The following STX18 variants were observed in gnomAD, a reference collection of about 807,000 sequenced individuals.
The protein encoded by STX18 is syntaxin 18, also known as syntaxin-18.
A neutral mutation model predicts 50.1 loss-of-function variants in STX18; 40 were observed. The observed-to-expected ratio is 0.80, with a 90% CI of 0.62 to 1.04. The LOEUF (loss-of-function observed/expected upper bound fraction) is 1.04. Among genes scored for constraint, STX18 ranks in the 50% least tolerant of loss-of-function variants. The probability of loss-of-function intolerance (pLI) is 0.00; values close to 1 mark genes in which losing one functional copy is unlikely to be tolerated. For synonymous variants in STX18, 158 were observed against 151.8 expected (o/e 1.04, Z -0.30); for missense variants, 410 against 415.8 (o/e 0.99, Z 0.12).
chr4:4,487,427 T>C (rs570040831), intron 1 of STX18, among the ~76,000 whole-genome samples: 1 of 152,360 alleles, frequency 6.6e-6, no homozygotes, highest in Non-Finnish European at 1.5e-5. Flanking sequence ...ACCCATTGTA[T>C]AGACTATCTC....
chr4:4,504,687 C>G (rs1037293964), intron 1 of STX18, among the ~76,000 whole-genome samples: 1 of 152,032 alleles, frequency 6.6e-6, no homozygotes, highest in Non-Finnish European at 1.5e-5. Flanking sequence ...CTAAAGAAGG[C>G]AAGGGGGGCA....
intron 7 of STX18, 36 bp downstream of exon 7, chr4:4,434,730 ACCAG>A: frequency 6.5e-7 from 1 of 1,542,228 alleles, no homozygotes; most frequent in South Asian, 1.2e-5. Context: ...TCTTATGAAA[ACCAG>A]TTAAAAATAA....
rs144305456 is a variant in STX18, at chr4:4,454,104, A to C, written c.497+3087T>G. 9.2e-3 allele frequency among the ~76,000 whole-genome samples: 1,400 copies of C among 152,378 alleles called. 12 individuals carry two copies. The highest frequency in any genetic ancestry group is 0.017 in the Middle Eastern group (5 of 294). On this transcript the variant is annotated intron_variant, in intron 5 of 10. Transcript: ENST00000306200. Reference sequence around the variant, plus strand: ...TGGTGAGTTACTGTGGCTGTTGTCCAGGCACATGCCATGCTGTCTAGCCTT... The same window carrying C: ...TGGTGAGTTACTGTGGCTGTTGTCCCGGCACATGCCATGCTGTCTAGCCTT...
At chr4:4,495,265 G>A (rs1175605749) in intron 1 of STX18, among the ~76,000 whole-genome samples, 1 of 152,126 alleles carries the variant, frequency 6.6e-6, no homozygotes, top group Admixed American at 6.5e-5. Flanking sequence ...GGCTAATATT[G>A]GAAGACCTCA....
At chr4:4,461,164 A>G (rs1727356500) in intron 2 of STX18, among the ~76,000 whole-genome samples, 1 of 152,248 alleles carries the variant, frequency 6.6e-6, no homozygotes, top group Admixed American at 6.5e-5. Context: ...TAATTTGATA[A>G]AACTGATTAT....
chr4:4,465,120 G>GT (rs1727559854), intron 2 of STX18, among the ~76,000 whole-genome samples: 1 of 152,014 alleles, frequency 6.6e-6, no homozygotes, highest in South Asian at 2.1e-4. Context: ...AGAGATTCTG[G>GT]TAAGTTTTAT....
chr4:4,427,081 G>A (rs773889955), intron 7 of STX18, among the ~76,000 whole-genome samples: 8 of 152,164 alleles, frequency 5.3e-5, no homozygotes, highest in African/African-American at 7.2e-5. Flanking sequence ...CTTGTTCAGG[G>A]GGCTTGTCTT....
At chr4:4,530,854 A>C (rs1399142635) in intron 1 of STX18, among the ~76,000 whole-genome samples, 2 of 151,966 alleles carry the variant, frequency 1.3e-5, no homozygotes, top group Admixed American at 1.3e-4. Context: ...CGATCCACCC[A>C]CCTCAGCCTC....
intron 1 of STX18, among the ~76,000 whole-genome samples, chr4:4,477,716 T>C (rs1042083818): frequency 6.6e-6 from 1 of 152,158 alleles, no homozygotes. Context: ...TCCTGGCAAG[T>C]CACAACTACA....
chr4:4,452,155 G>C (rs114437437), intron 5 of STX18, among the ~76,000 whole-genome samples: 1 of 152,106 alleles, frequency 6.6e-6, no homozygotes, highest in African/African-American at 2.4e-5. Flanking sequence ...AACTCTCTTC[G>C]ATTCTGTGAA....
At position 4,419,453 on chromosome 4, in the gene STX18, C is replaced by CTT. The variant is rs1016224746; in HGVS notation, c.*579_*580dup. The CTT allele has an allele frequency of 2.0e-5, 3 of 152,284 alleles. No homozygotes were observed. Among genetic ancestry groups the CTT allele is most frequent in the African/African-American group, 7.2e-5 (3 of 41,462 alleles). The allele number at this position is 152,284 out of a possible 1,614,324, so 9.4% of individuals were successfully genotyped here. A position where few individuals can be genotyped will look rare whatever the true frequency, so the allele number is the denominator to read the frequency against. ...GCTGGGCTGCCACTGAATTTGTCAA[C>CTT]TTAGACTCATTGACAACACATTAAG... is the stretch of plus-strand genomic sequence containing the variant. On this transcript the variant is annotated 3_prime_UTR_variant, in exon 11 of 11. Coordinates refer to ENST00000306200, the MANE Select transcript of STX18 (RefSeq NM_016930.4).
chr4:4,466,674 G>A (rs1379447308), intron 2 of STX18, among the ~76,000 whole-genome samples: 7 of 152,208 alleles, frequency 4.6e-5, no homozygotes, highest in Non-Finnish European at 4.4e-5. Context: ...CAGGACAGTG[G>A]CAATGGGGAC....
chr4:4,494,035 T>C (rs1307028717), intron 1 of STX18, among the ~76,000 whole-genome samples: 1 of 152,210 alleles, frequency 6.6e-6, no homozygotes, highest in Non-Finnish European at 1.5e-5. Context: ...TATCCCATGG[T>C]GGTATCCTTT....
intron 1 of STX18, among the ~76,000 whole-genome samples, chr4:4,500,853 T>C (rs1729418546): frequency 6.6e-6 from 1 of 152,142 alleles, no homozygotes; most frequent in African/African-American, 2.4e-5. Context: ...CTGACCAACA[T>C]GGTGAAACCC....
At chr4:4,485,983 G>A (rs1728683225) in intron 1 of STX18, among the ~76,000 whole-genome samples, 1 of 152,160 alleles carries the variant, frequency 6.6e-6, no homozygotes, top group African/African-American at 2.4e-5. Context: ...AAGTACGAGT[G>A]GTGGATGGTC....
intron 1 of STX18, among the ~76,000 whole-genome samples, chr4:4,490,644 T>C (rs767400472): frequency 6.6e-6 from 1 of 152,216 alleles, no homozygotes; most frequent in Non-Finnish European, 1.5e-5. Context: ...GTGCCCATAA[T>C]TGGAAAAGGG....
chr4:4,511,391 T>A (rs1273438375), intron 1 of STX18, among the ~76,000 whole-genome samples: 2 of 152,228 alleles, frequency 1.3e-5, no homozygotes, highest in African/African-American at 2.4e-5. Flanking sequence ...ATTTTTATCA[T>A]AATCATTCCT....
At chr4:4,509,334 A>C (rs1035801435) in intron 1 of STX18, among the ~76,000 whole-genome samples, 1 of 151,256 alleles carries the variant, frequency 6.6e-6, no homozygotes, top group Middle Eastern at 3.2e-3. Context: ...TTTTTTTCAT[A>C]TGTTTGCTGG....
chr4:4,509,662 G>T (rs918207565), intron 1 of STX18, among the ~76,000 whole-genome samples: 1 of 152,146 alleles, frequency 6.6e-6, no homozygotes, highest in Non-Finnish European at 1.5e-5. Context: ...AACAAAGTAT[G>T]GTAAGTGGTG....
Sources: gnomAD v4.1 joint callset for allele counts (sites outside exome capture counted in the v4.1 genomes callset) on GRCh38, gnomAD v4.1.1 for gene constraint, MANE v1.5 for transcripts, NCBI Gene and HGNC (gene_info 2026-07-23, HGNC 2026-07-21) for gene names.